Variants in DEUP1 observed in about 807,000 individuals in gnomAD.
DEUP1 encodes the protein deuterosome assembly protein 1.
In DEUP1, 82 loss-of-function variants were observed where a neutral mutation model predicts 87.4. The observed-to-expected ratio is 0.94, with a 90% CI of 0.78 to 1.13. The LOEUF is 1.13. Among genes scored for constraint, DEUP1 ranks in the 50% most tolerant of loss-of-function variants. The pLI, the probability that DEUP1 is intolerant of heterozygous loss-of-function variation, is 0.00. For synonymous variants in DEUP1, 214 were observed against 222.7 expected (o/e 0.96, Z 0.35); for missense variants, 663 against 681.5 (o/e 0.97, Z 0.30).
At chr11:93,388,165 T>C (rs1946649123) in intron 8 of DEUP1, among the ~76,000 whole-genome samples, 1 of 152,190 alleles carries the variant, frequency 6.6e-6, no homozygotes. Context: ...GCAATTTCTT[T>C]ATCATTACTC....
chr11:93,365,280 C>CTT (rs1945358196), intron 5 of DEUP1, among the ~76,000 whole-genome samples: 2 of 152,046 alleles, frequency 1.3e-5, no homozygotes, highest in African/African-American at 4.8e-5. Context: ...AGATTTTAAT[C>CTT]TTTAAAAGTC....
intron 7 of DEUP1, among the ~76,000 whole-genome samples, chr11:93,375,725 G>A (rs1463391705): frequency 6.6e-6 from 1 of 152,036 alleles, no homozygotes; most frequent in Admixed American, 6.6e-5. Context: ...TGTTCATCAG[G>A]GATATTGGTC....
intron 2 of DEUP1, among the ~76,000 whole-genome samples, chr11:93,342,450 G>A (rs1005972006): frequency 2.0e-5 from 3 of 152,224 alleles, no homozygotes; most frequent in Non-Finnish European, 4.4e-5. Context: ...AGAAGGCACT[G>A]AGGCAAAGGA....
chr11:93,420,853 C>T (rs1432822984), intron 13 of DEUP1, among the ~76,000 whole-genome samples: 1 of 126,494 alleles, frequency 7.9e-6, no homozygotes, highest in African/African-American at 3.0e-5. Flanking sequence ...ATCCAACTTA[C>T]AAGGGATGTG....
At chr11:93,365,931 T>A (rs1262391259) in intron 5 of DEUP1, among the ~76,000 whole-genome samples, 2 of 152,204 alleles carry the variant, frequency 1.3e-5, no homozygotes, top group African/African-American at 4.8e-5. Context: ...CATGTAGTAG[T>A]CAAAGAACAT....
intron 5 of DEUP1, among the ~76,000 whole-genome samples, chr11:93,364,737 T>G (rs2134244108): frequency 6.6e-6 from 1 of 152,118 alleles, no homozygotes; most frequent in African/African-American, 2.4e-5. Context: ...ATAATGTCAC[T>G]CCAATTCAAT....
rs185612370 is a variant in DEUP1, at chr11:93,396,739, A to G, written c.1326+414A>G. Among the ~76,000 whole-genome samples, 727 of 152,258 alleles carry G rather than the reference A, an allele frequency of 4.8e-3. 6 individuals carry two copies. The highest frequency in any genetic ancestry group is 6.8e-3 in the Middle Eastern group (2 of 294). On this transcript the variant is annotated intron_variant, in intron 11 of 13. Coordinates refer to ENST00000298050, the MANE Select transcript of DEUP1 (RefSeq NM_181645.4). ...GTTCTGACTTGTTTTGTTGCTTGTC[A>G]CTTTCCCAGTGGATGGCAAGCAGAG...
intron 9 of DEUP1, among the ~76,000 whole-genome samples, chr11:93,392,945 C>CTT (rs1413975549): frequency 6.8e-6 from 1 of 146,964 alleles, no homozygotes; most frequent in African/African-American, 2.5e-5. Context: ...TCCTCCTCCT[C>CTT]CTCCCTCCTC....
chr11:93,409,785 A>G (rs550161078), intron 12 of DEUP1, among the ~76,000 whole-genome samples: 2 of 152,322 alleles, frequency 1.3e-5, no homozygotes, highest in East Asian at 1.9e-4. Flanking sequence ...TAAGATTTTC[A>G]TAAGGATTAT....
At chr11:93,346,265 G>A (rs1003185176) in intron 2 of DEUP1, among the ~76,000 whole-genome samples, 6 of 152,122 alleles carry the variant, frequency 3.9e-5, no homozygotes, top group Admixed American at 1.3e-4. Context: ...CAGCCCTGTA[G>A]TATAGTTTGA....
chr11:93,412,354 T>C (rs1166002106), intron 12 of DEUP1, among the ~76,000 whole-genome samples: 1 of 152,198 alleles, frequency 6.6e-6, no homozygotes, highest in African/African-American at 2.4e-5. Context: ...ATTAAAAGCC[T>C]TCCAAAATCA....
At chr11:93,398,986 G>A (rs542457274) in intron 11 of DEUP1, among the ~76,000 whole-genome samples, 2 of 152,168 alleles carry the variant, frequency 1.3e-5, no homozygotes, top group East Asian at 3.9e-4. Context: ...GCCTCCCAAA[G>A]TGCTGGGATT....
At chr11:93,373,625 G>GTGTGTGTATATATATA (rs796309948) in intron 7 of DEUP1, among the ~76,000 whole-genome samples, 3 of 67,008 alleles carry the variant, frequency 4.5e-5, no homozygotes, top group African/African-American at 1.2e-4. Flanking sequence ...ATATATATAC[G>GTGTGTGTATATATATA]TATATATATA....
In DEUP1 at chr11:93,355,664, G is replaced by A. The variant is rs997727568; in HGVS notation, c.201+122G>A. The A allele has an allele frequency of 5.2e-5, 45 of 858,140 alleles. No homozygotes were observed. The African/African-American group carries it at 6.7e-4, about 13-fold the overall frequency. The allele number at this position is 858,140 out of a possible 1,614,324, so 53.2% of individuals were successfully genotyped here. A position where few individuals can be genotyped will look rare whatever the true frequency, so the allele number is the denominator to read the frequency against. ...GCATCAGCAACAGCATTTATTGCTT[G>A]AAATTCTGTCAGCAAATTATAGGCT... On this transcript the variant is annotated intron_variant, in intron 3 of 13. Transcript: ENST00000298050.
chr11:93,379,776 G>T (rs1383821700), intron 7 of DEUP1, among the ~76,000 whole-genome samples: 1 of 151,860 alleles, frequency 6.6e-6, no homozygotes, highest in Non-Finnish European at 1.5e-5. Flanking sequence ...AGGCTCTGTG[G>T]GTTGCCTGGG....
At chr11:93,393,015 T>A (rs1331233693) in intron 9 of DEUP1, among the ~76,000 whole-genome samples, 2 of 123,522 alleles carry the variant, frequency 1.6e-5, no homozygotes, top group South Asian at 3.1e-4. Context: ...CTCCTCCTCC[T>A]CCTCTGAGCC....
chr11:93,357,349 AAAC>A (rs1383936581), intron 4 of DEUP1: 2 of 191,314 alleles, frequency 1.0e-5, no homozygotes, highest in African/African-American at 4.7e-5. Flanking sequence ...CAACAACAAA[AAAC>A]AATTATTTTT....
Position 93,386,248 on chromosome 11 carries a change from C to T in DEUP1, c.935+705C>T, listed in dbSNP as rs180818045. Among the ~76,000 whole-genome samples, 5 of 152,066 alleles carry T rather than the reference C, an allele frequency of 3.3e-5. No individual in the cohort carries two copies. In the South Asian group the frequency reaches 6.2e-4, roughly 19 times the overall value. On this transcript the variant is annotated intron_variant, in intron 8 of 13. Transcript: ENST00000298050. ...CTTGTCTGTTCCATTGAGGGTTCTT[C>T]TTAAAACAGATTTTTTTTTCTCTTT...
upstream of DEUP1, chr11:93,330,470 G>C (rs1461367370): frequency 6.5e-6 from 1 of 152,856 alleles, no homozygotes; most frequent in Non-Finnish European, 1.5e-5. Flanking sequence ...GCTCGCGCGG[G>C]GTGAGGTTGG....
Sources: allele counts gnomAD v4.1 joint callset (sites outside exome capture counted in the v4.1 genomes callset), GRCh38; gene constraint gnomAD v4.1.1; transcripts MANE v1.5; gene names NCBI Gene and HGNC (gene_info 2026-07-23, HGNC 2026-07-21).